The following RGS12 variants were observed in gnomAD, a reference collection of about 807,000 sequenced individuals.
The protein encoded by RGS12 is regulator of G protein signaling 12.
A neutral mutation model predicts 120.1 loss-of-function variants in RGS12; 66 were observed. That is an observed-to-expected ratio of 0.55 (90% confidence interval 0.45 to 0.67). The LOEUF (loss-of-function observed/expected upper bound fraction) is 0.67. Ranked by LOEUF, RGS12 falls within the 30% of genes least tolerant of loss-of-function variation. The pLI, the probability that RGS12 is intolerant of heterozygous loss-of-function variation, is 0.00. For synonymous variants in RGS12, 827 were observed against 804.7 expected, an observed-to-expected ratio of 1.03 and a Z score of -0.47; for missense variants, 1,859 against 1,957.7, an observed-to-expected ratio of 0.95 and a Z score of 0.95.
chr4:3,372,858 C>A lies in RGS12; in HGVS notation c.1999-13558C>A, dbSNP rs1717181583. Among the ~76,000 whole-genome samples the A allele has an allele frequency of 6.6e-6, 1 of 152,242 alleles. No homozygotes were observed. Among genetic ancestry groups the A allele is most frequent in the Admixed American group, 6.5e-5 (1 of 15,286 alleles). On this transcript the variant is annotated intron_variant, in intron 3 of 17. Coordinates refer to ENST00000336727, the MANE Select transcript of RGS12 (RefSeq NM_001394154.1). This position sits in a 1 kb window ranked among gnomAD's most constrained non-coding sequence, Gnocchi z 4.3. ...GAGACCACAGGGCTTCTCTCCCCTTCAGGCATTGACGTTCTGTTTAATATT... is the reference window on the plus strand; with the variant it reads ...GAGACCACAGGGCTTCTCTCCCCTTAAGGCATTGACGTTCTGTTTAATATT...
chr4:3,296,184 C>T (rs1457953185), intron 1 of RGS12, among the ~76,000 whole-genome samples: 1 of 152,128 alleles, frequency 6.6e-6, no homozygotes, highest in African/African-American at 2.4e-5. Flanking sequence ...TTCTCCTCCT[C>T]TTTATTTTCT....
intron 1 of RGS12, among the ~76,000 whole-genome samples, chr4:3,299,998 A>C (rs1311701144): frequency 6.6e-6 from 1 of 152,164 alleles, no homozygotes; most frequent in African/African-American, 2.4e-5. Flanking sequence ...TCACCCCCAC[A>C]GTCTTTTCTA....
rs775956737 is a variant in RGS12, at chr4:3,422,954, G to A, written c.3083G>A (p.Arg1028His). ...AGCATCTTGGAGTCAAGGGACCTGC[G>A]CCTAGAAAAGCGCACCTTGTTTCGG... ...DSSILESRDL[R>H]LEKRTLFRLD... Residue 1028 changes from arginine (R) to histidine (H), a missense_variant, in exon 12 of 18, where the codon CGC becomes CAC. Around this residue, in one of 3 missense-constraint regions of RGS12, gnomAD observed 375 missense variants for 475.0 expected, o/e 0.79. Transcript: ENST00000336727. 9 of 1,613,144 alleles carry A rather than the reference G, an allele frequency of 5.6e-6. No individual in the cohort carries two copies. Among genetic ancestry groups the A allele is most frequent in the African/African-American group, 2.7e-5 (2 of 74,936 alleles).
upstream of RGS12, among the ~76,000 whole-genome samples, chr4:3,289,648 ATCAT>A (rs1172426876): frequency 1.3e-5 from 2 of 152,240 alleles, no homozygotes; most frequent in Non-Finnish European, 2.9e-5. Flanking sequence ...AATGTGTCCC[ATCAT>A]TCACATCCCA....
chr4:3,300,843 C>G (rs1239769766), intron 1 of RGS12, among the ~76,000 whole-genome samples: 1 of 152,254 alleles, frequency 6.6e-6, no homozygotes, highest in Non-Finnish European at 1.5e-5. Flanking sequence ...GGATCATTGC[C>G]TCATCTCAGA....
At position 3,365,350 on chromosome 4, in the gene RGS12, C is replaced by T. The variant is rs1716194252; in HGVS notation, c.1999-21066C>T. Among the ~76,000 whole-genome samples, 1 of 151,356 alleles carries T rather than the reference C, an allele frequency of 6.6e-6. No homozygotes were observed. On this transcript the variant is annotated intron_variant, in intron 3 of 17. Coordinates refer to ENST00000336727, the MANE Select transcript of RGS12 (RefSeq NM_001394154.1). This position sits in a 1 kb window ranked among gnomAD's most constrained non-coding sequence, Gnocchi z 4.0. ...CTACTCTTGGCCCTTTACAGGGAGT[C>T]TGGAGGGAGGAGGGAGACAGGTGAG...
intron 1 of RGS12, among the ~76,000 whole-genome samples, chr4:3,302,290 G>T (rs949288924): frequency 6.6e-6 from 1 of 151,792 alleles, no homozygotes; most frequent in African/African-American, 2.4e-5. Flanking sequence ...GGTGCCCAGA[G>T]TGAGCTCACA....
In RGS12 at chr4:3,430,610, C is replaced by T. The variant is rs918758274; in HGVS notation, c.3769C>T (p.Pro1257Ser). The T allele has an allele frequency of 6.2e-7, 1 of 1,611,194 alleles. No homozygotes were observed. Among genetic ancestry groups the T allele is most frequent in the Non-Finnish European group, 8.5e-7 (1 of 1,179,218 alleles). ...CAACGGCCGGGAGAGCGCCTCCCAG[C>T]CTGGCGAGCAGTGGGAGCCAGTCCA... ...TGNGRESASQ[P>S]GEQWEPVQES... is the part of the protein sequence containing the mutation. The change falls in exon 17 of 18, where the codon CCT (proline) becomes TCT (serine). Residue 1257 changes from proline (P) to serine (S), a missense_variant. Physicochemically the swap from Pro to Ser is moderately conservative, Grantham distance 74. This residue lies in a region of RGS12 where 517 missense variants were observed against 488.5 expected (regional missense o/e 1.06). Transcript: ENST00000336727.
chr4:3,362,874 T>A (rs78987284), intron 3 of RGS12, among the ~76,000 whole-genome samples: 4 of 148,420 alleles, frequency 2.7e-5, no homozygotes, highest in Admixed American at 6.6e-5. Context: ...CGAGGGTGTG[T>A]GTGTGTGAGA....
At chr4:3,412,921 G>T (rs1721889747) in intron 4 of RGS12, 1 of 152,366 alleles carries the variant, frequency 6.6e-6, no homozygotes, top group African/African-American at 2.4e-5. Flanking sequence ...TCCCTTCTTG[G>T]GCTCAGGCCA....
intron 3 of RGS12, among the ~76,000 whole-genome samples, chr4:3,346,101 T>C (rs1173131177): frequency 2.0e-5 from 3 of 152,226 alleles, no homozygotes; most frequent in African/African-American, 4.8e-5. Flanking sequence ...TTTATCCAGG[T>C]ATAGCAGGTA....
chr4:3,422,808 C>T, intron 11 of RGS12, 97 bp from the exon 12 acceptor site: 1 of 1,173,256 alleles, frequency 8.5e-7, no homozygotes, highest in Non-Finnish European at 1.3e-6. Flanking sequence ...TGAAGCTGCT[C>T]TTCTGCTCTG....
chr4:3,386,206 C>T (rs962964011), intron 3 of RGS12: 2 of 599,922 alleles, frequency 3.3e-6, no homozygotes, highest in Non-Finnish European at 6.0e-6. Context: ...GGATGACTTC[C>T]TCTTGTTGGG....
intron 1 of RGS12, among the ~76,000 whole-genome samples, chr4:3,294,873 G>A (rs1173668514): frequency 6.6e-6 from 1 of 152,150 alleles, no homozygotes; most frequent in Non-Finnish European, 1.5e-5. Context: ...CAAAGACAAG[G>A]GCGGAGGAAA....
intron 3 of RGS12, among the ~76,000 whole-genome samples, chr4:3,373,483 G>A (rs1050552531): frequency 6.6e-6 from 1 of 152,208 alleles, no homozygotes; most frequent in Non-Finnish European, 1.5e-5. Context: ...TGGGCCATCC[G>A]GGAAGGTGTT....
rs760571278 is a variant in RGS12, at chr4:3,423,650, T to C, written c.3234+9T>C. 4 of 1,601,966 alleles carry C rather than the reference T, an allele frequency of 2.5e-6. No homozygotes were observed. Among genetic ancestry groups the C allele is most frequent in the African/African-American group, 2.7e-5 (2 of 74,876 alleles). ...GCCTGCTGGTGAGGCTGGTGAGTGT[T>C]GCACGGGGCCCGGGCGTCGTCACCG... is the stretch of plus-strand genomic sequence containing the variant. On this transcript the variant is annotated intron_variant, in intron 13 of 17. Transcript: ENST00000336727.
chr4:3,315,832 C>T (rs766551736), intron 1 of RGS12, among the ~76,000 whole-genome samples: 8 of 152,180 alleles, frequency 5.3e-5, no homozygotes, highest in Non-Finnish European at 8.8e-5. Context: ...TCCTCACACC[C>T]GTGGCAGGTG....
chr4:3,295,934 A>T (rs1214525404), intron 1 of RGS12, among the ~76,000 whole-genome samples: 1 of 152,194 alleles, frequency 6.6e-6, no homozygotes, highest in Non-Finnish European at 1.5e-5. Context: ...GCAAAAGTTT[A>T]TTTGCCCTAG....
intron 1 of RGS12, among the ~76,000 whole-genome samples, chr4:3,301,837 G>GAGA (rs1185605686): frequency 6.6e-6 from 1 of 152,176 alleles, no homozygotes; most frequent in East Asian, 1.9e-4. Context: ...CAAGGAGGAG[G>GAGA]AGAAGAACAT....
Sources: allele counts gnomAD v4.1 joint callset (sites outside exome capture counted in the v4.1 genomes callset), GRCh38; gene constraint gnomAD v4.1.1; regional missense constraint gnomAD v4.1.1; non-coding constraint Gnocchi (gnomAD v3.1); transcripts MANE v1.5; gene names NCBI Gene and HGNC (gene_info 2026-07-23, HGNC 2026-07-21).